Variants in SAMD3 observed in about 807,000 individuals in gnomAD.
SAMD3 encodes the protein sterile alpha motif domain-containing protein 3.
In SAMD3, 63 loss-of-function variants were observed where a neutral mutation model predicts 58.5. The ratio of observed to expected loss-of-function variants is 1.08; its 90% CI spans 0.88 to 1.33. The LOEUF is 1.33. Among genes scored for constraint, SAMD3 ranks in the 40% most tolerant of loss-of-function variants. SAMD3 has a pLI of 0.00. For synonymous variants in SAMD3, 220 were observed against 210.3 expected (o/e 1.05, Z -0.40); for missense variants, 604 against 608.4 (o/e 0.99, Z 0.08).
chr6:130,163,826 T>A (rs1790481469), intron 8 of SAMD3, among the ~76,000 whole-genome samples: 1 of 152,132 alleles, frequency 6.6e-6, no homozygotes, highest in African/African-American at 2.4e-5. Flanking sequence ...CACTAGGTAG[T>A]TTTTGTGCAA....
intron 2 of SAMD3, among the ~76,000 whole-genome samples, chr6:130,261,269 G>C (rs2114922705): frequency 9.0e-6 from 1 of 110,574 alleles, no homozygotes; most frequent in Middle Eastern, 4.3e-3. Context: ...TTGGGAACTT[G>C]CCTACTCCAT....
chr6:130,294,104 G>A (rs1468224032), intron 2 of SAMD3, among the ~76,000 whole-genome samples: 1 of 152,154 alleles, frequency 6.6e-6, no homozygotes, highest in African/African-American at 2.4e-5. Flanking sequence ...GAGAGATACA[G>A]ATTTGAAGAG....
intron 11 of SAMD3, 92 bp downstream of exon 11, chr6:130,145,248 A>T: frequency 1.7e-6 from 1 of 588,324 alleles, no homozygotes; most frequent in Non-Finnish European, 2.7e-6. Flanking sequence ...AAAGAGTGAG[A>T]CTCCATCTCA....
In SAMD3 at chr6:130,244,240, C is replaced by T. The variant is rs116205344; in HGVS notation, c.-187-21427G>A. 4.1e-3 allele frequency among the ~76,000 whole-genome samples: 623 copies of T among 152,294 alleles called. 5 individuals are homozygous for T. The highest frequency in any genetic ancestry group is 0.014 in the African/African-American group (579 of 41,552). ...ATTTAAAAGACAATTTGTAGCCCCA[C>T]TAACCTTAGGATGTGTCATAAAAGC... is the stretch of plus-strand genomic sequence containing the variant. On this transcript the variant is annotated intron_variant, in intron 2 of 13. Coordinates refer to the SAMD3 transcript ENST00000368134.
chr6:130,219,059 A>G (rs1397079448), intron 1 of SAMD3, among the ~76,000 whole-genome samples: 8 of 152,348 alleles, frequency 5.3e-5, no homozygotes, highest in Admixed American at 5.2e-4. Flanking sequence ...CTTGAAGCAA[A>G]TTGTGTATGA....
chr6:130,288,155 A>C (rs1775228452), intron 2 of SAMD3, among the ~76,000 whole-genome samples: 1 of 152,168 alleles, frequency 6.6e-6, no homozygotes, highest in Admixed American at 6.5e-5. Context: ...GATAAATAGA[A>C]CCAGATATAT....
At chr6:130,242,799 T>G (rs1448270466) in intron 2 of SAMD3, among the ~76,000 whole-genome samples, 1 of 152,196 alleles carries the variant, frequency 6.6e-6, no homozygotes, top group Non-Finnish European at 1.5e-5. Flanking sequence ...GAAATGCAGT[T>G]GCCAATGGTT....
Position 130,196,092 on chromosome 6 carries a change from A to G in SAMD3, c.384-11469T>C, listed in dbSNP as rs931004683. On this transcript the variant is annotated intron_variant, in intron 5 of 11. Transcript: ENST00000439090. ...GCAGGGCTGTGCAGTCAGAATTTTT[A>G]CAGGACTGGGATCGCGTCCTGTAGC... 3.9e-5 allele frequency among the ~76,000 whole-genome samples: 6 copies of G among 152,056 alleles called. No homozygotes were observed. In the East Asian group the frequency reaches 9.6e-4, roughly 24 times the overall value.
At chr6:130,179,940 G>A (rs911085085) in intron 7 of SAMD3, among the ~76,000 whole-genome samples, 2 of 150,820 alleles carry the variant, frequency 1.3e-5, no homozygotes, top group African/African-American at 4.9e-5. Context: ...TCAGCCTCCC[G>A]TGTAGCTGGG....
At chr6:130,246,424 T>C (rs1019699633) in intron 2 of SAMD3, among the ~76,000 whole-genome samples, 3 of 151,780 alleles carry the variant, frequency 2.0e-5, no homozygotes, top group African/African-American at 7.3e-5. Flanking sequence ...AACTTGACTA[T>C]ACATGACTAG....
At chr6:130,215,672 A>G in intron 2 of SAMD3, 1 of 1,421,452 alleles carries the variant, frequency 7.0e-7, no homozygotes, top group South Asian at 1.6e-5. Context: ...CACCACTACC[A>G]GGCTCCTCAG....
At chr6:130,264,401 TATCA>T (rs1372218328) in intron 2 of SAMD3, among the ~76,000 whole-genome samples, 1 of 152,216 alleles carries the variant, frequency 6.6e-6, no homozygotes, top group East Asian at 1.9e-4. Context: ...TTCAAGAGCT[TATCA>T]ATCAGTCAGC....
intron 1 of SAMD3, among the ~76,000 whole-genome samples, chr6:130,347,790 T>C (rs553882539): frequency 3.3e-5 from 5 of 151,856 alleles, no homozygotes; most frequent in East Asian, 3.9e-4. Context: ...TTCACCAAAG[T>C]TGAAATGAAG....
intron 1 of SAMD3, among the ~76,000 whole-genome samples, chr6:130,337,586 A>G (rs1395420367): frequency 6.6e-6 from 1 of 152,200 alleles, no homozygotes; most frequent in Non-Finnish European, 1.5e-5. Context: ...GCCTAGAAGA[A>G]GAAAGGAATA....
chr6:130,320,046 A>C (rs922993037), intron 1 of SAMD3, among the ~76,000 whole-genome samples: 1 of 152,080 alleles, frequency 6.6e-6, no homozygotes. Context: ...ATTGTGGAGA[A>C]TATGAAAATG....
At chr6:130,176,301 G>T in intron 7 of SAMD3, 1 of 336,778 alleles carries the variant, frequency 3.0e-6, no homozygotes, top group South Asian at 3.6e-5. Context: ...CTTGAACCTG[G>T]ATTTTCTAAT....
chr6:130,232,637 T>G (rs1796579435), intron 2 of SAMD3, among the ~76,000 whole-genome samples: 1 of 151,616 alleles, frequency 6.6e-6, no homozygotes, highest in Non-Finnish European at 1.5e-5. Context: ...CCTTTCTGGA[T>G]GTATGACTTT....
At chr6:130,206,796 C>G (rs1795121816) in intron 5 of SAMD3, among the ~76,000 whole-genome samples, 1 of 152,132 alleles carries the variant, frequency 6.6e-6, no homozygotes, top group Admixed American at 6.5e-5. Flanking sequence ...TCTCCTCCCC[C>G]TTGCCAGCTG....
chr6:130,214,451 T>G lies in SAMD3; in HGVS notation c.155A>C (p.His52Pro). The G allele has an allele frequency of 1.2e-6, 2 of 1,613,536 alleles. No individual in the cohort carries two copies. The highest frequency in any genetic ancestry group is 1.7e-6 in the Non-Finnish European group (2 of 1,179,746). ...AATTAAATCCATCAGAACAGCCTGG[T>G]GCCCAATTTTCTTTACCAGTTGCTG... ...MVQQLVKKIG[H>P]QAVLMDLIKK... The change falls in exon 4 of 12, where the codon CAC becomes CCC. Residue 52 changes from histidine to proline, a missense_variant. His to Pro is a moderately conservative substitution (Grantham distance 77, BLOSUM62 -2). Coordinates refer to ENST00000439090, the MANE Select transcript of SAMD3 (RefSeq NM_001017373.4).
Sources: gnomAD v4.1 joint callset for allele counts (sites outside exome capture counted in the v4.1 genomes callset) on GRCh38, gnomAD v4.1.1 for gene constraint, MANE v1.5 for transcripts, NCBI Gene and HGNC (gene_info 2026-07-23, HGNC 2026-07-21) for gene names.